ZDHHC3: variants seen among roughly 807,000 people sequenced by gnomAD.
ZDHHC3 encodes the protein zDHHC palmitoyltransferase 3, also known as palmitoyltransferase ZDHHC3.
Under a neutral mutation model 30.6 loss-of-function variants are expected in ZDHHC3, and 9 were observed. The ratio of observed to expected loss-of-function variants is 0.29; its 90% CI spans 0.18 to 0.51. The LOEUF is 0.51. Ranked by LOEUF, ZDHHC3 falls within the 20% of genes least tolerant of loss-of-function variation. The pLI, the probability that ZDHHC3 is intolerant of heterozygous loss-of-function variation, is 0.97. For missense variants in ZDHHC3, 246 were observed against 384.2 expected, an observed-to-expected ratio of 0.64 and a Z score of 3.01; for synonymous variants, 136 against 140.2, an observed-to-expected ratio of 0.97 and a Z score of 0.21.
chr3:44,948,206 T>G (rs1703120427), intron 2 of ZDHHC3, among the ~76,000 whole-genome samples: 2 of 152,128 alleles, frequency 1.3e-5, no homozygotes, highest in Admixed American at 1.3e-4. Context: ...GAGTTTCAGA[T>G]AGAGCACCCT....
rs1700685422 is a variant in ZDHHC3, at chr3:44,922,706, C to T, written c.*3983G>A. ...TTGATAGTCAGAATCACCTGGAGGGCTGTTAAGACACGGGCTGCTGGGCCC... is the reference window on the plus strand; with the variant it reads ...TTGATAGTCAGAATCACCTGGAGGGTTGTTAAGACACGGGCTGCTGGGCCC... On this transcript the variant is annotated 3_prime_UTR_variant, in exon 7 of 7. Coordinates refer to ENST00000424952, the MANE Select transcript of ZDHHC3 (RefSeq NM_001135179.2). 1 of 985,086 alleles carries T rather than the reference C, an allele frequency of 1.0e-6. No individual in the cohort carries two copies. Among genetic ancestry groups the T allele is most frequent in the African/African-American group, 1.7e-5 (1 of 57,234 alleles). 61.0% of individuals were successfully genotyped at this position (985,086 alleles called of 1,614,324 possible).
intron 1 of ZDHHC3, among the ~76,000 whole-genome samples, chr3:44,962,374 G>A (rs1001090969): frequency 2.0e-5 from 3 of 152,124 alleles, no homozygotes; most frequent in African/African-American, 7.2e-5. Context: ...GCATGGTTTT[G>A]TTGAGGAATA....
intron 3 of ZDHHC3, among the ~76,000 whole-genome samples, chr3:44,944,127 C>A (rs950755269): frequency 6.6e-6 from 1 of 152,068 alleles, no homozygotes; most frequent in Non-Finnish European, 1.5e-5. Context: ...CAGATGTGTG[C>A]CACCACACCC....
chr3:44,961,018 T>C (rs952471116), intron 1 of ZDHHC3, among the ~76,000 whole-genome samples: 1 of 152,226 alleles, frequency 6.6e-6, no homozygotes, highest in Admixed American at 6.5e-5. Context: ...TATTACGTAT[T>C]TGCCCAAAGG....
chr3:44,923,699 A>G lies in ZDHHC3; in HGVS notation c.*2990T>C. The stretch of plus-strand genomic sequence containing the variant: ...GTGCCTGTAGCCCTGGATATTCAGG[A>G]GGCCAAGGCACAAGAATCACTTGAG... On this transcript the variant is annotated 3_prime_UTR_variant, in exon 7 of 7. Transcript: ENST00000424952. The G allele has an allele frequency of 3.7e-6, 3 of 807,396 alleles. No homozygotes were observed. The highest frequency in any genetic ancestry group is 4.5e-6 in the Non-Finnish European group (3 of 667,798). The allele number at this position is 807,396 out of a possible 1,614,324, so 50.0% of individuals were successfully genotyped here.
At chr3:44,933,814 G>T in intron 4 of ZDHHC3, 74 bp downstream of exon 4, 1 of 1,343,422 alleles carries the variant, frequency 7.4e-7, no homozygotes, top group Non-Finnish European at 1.1e-6. Context: ...CATCGTGAAT[G>T]CTGAGAATTT....
At position 44,967,894 on chromosome 3, in the gene ZDHHC3, G is replaced by A. The variant is rs149919119; in HGVS notation, c.-25+8039C>T. Among the ~76,000 whole-genome samples the A allele has an allele frequency of 5.3e-4, 80 of 152,332 alleles. 5 individuals are homozygous for A. In the East Asian group the frequency reaches 0.014, roughly 28 times the overall value. On this transcript the variant is annotated intron_variant, in intron 1 of 6. Coordinates refer to ENST00000424952, the MANE Select transcript of ZDHHC3 (RefSeq NM_001135179.2). Reference sequence around the variant, plus strand: ...GTACTGGCTACAGCAATGGAGATGGGCATCAACATTAACTGAATGCCTATT... The same window carrying A: ...GTACTGGCTACAGCAATGGAGATGGACATCAACATTAACTGAATGCCTATT...
intron 2 of ZDHHC3, chr3:44,958,621 G>A: frequency 1.3e-6 from 2 of 1,536,112 alleles, no homozygotes; most frequent in Middle Eastern, 1.7e-4. Flanking sequence ...AAACAGGCTT[G>A]TCCAGCTTTT....
chr3:44,924,239 A>C lies in ZDHHC3; in HGVS notation c.*2450T>G. The C allele has an allele frequency of 1.0e-6, 1 of 985,458 alleles. No individual in the cohort carries two copies. The highest frequency in any genetic ancestry group is 1.2e-6 in the Non-Finnish European group (1 of 829,930). 61.0% of individuals were successfully genotyped at this position (985,458 alleles called of 1,614,324 possible). A position where few individuals can be genotyped will look rare whatever the true frequency, so the allele number is the denominator to read the frequency against. On this transcript the variant is annotated 3_prime_UTR_variant, in exon 7 of 7. Transcript: ENST00000424952. ...CGGAAATACTGAGGAGAGCTCAGGG[A>C]TGCTTTCCCTTCCTGTCCTGTGTGG...
chr3:44,919,937 C>T lies in ZDHHC3; in HGVS notation c.*6752G>A. On this transcript the variant is annotated 3_prime_UTR_variant, in exon 7 of 7. Transcript: ENST00000424952. ...AATGCAAAGCTGGAAATGAGAAATG[C>T]CCAATAATGATGGTTAAGCAAATGA... 3 of 1,036,570 alleles carry T rather than the reference C, an allele frequency of 2.9e-6. No individual in the cohort carries two copies. Among genetic ancestry groups the T allele is most frequent in the Non-Finnish European group, 3.5e-6 (3 of 857,490 alleles). 64.2% of individuals were successfully genotyped at this position (1,036,570 alleles called of 1,614,324 possible).
At position 44,920,927 on chromosome 3, in the gene ZDHHC3, GGCTGAGGGCT is replaced by G; in HGVS notation, c.*5752_*5761del. 1 of 985,390 alleles carries G rather than the reference GGCTGAGGGCT, an allele frequency of 1.0e-6. No homozygotes were observed. Among genetic ancestry groups the G allele is most frequent in the Non-Finnish European group, 1.2e-6 (1 of 829,922 alleles). 61.0% of individuals were successfully genotyped at this position (985,390 alleles called of 1,614,324 possible). A position where few individuals can be genotyped will look rare whatever the true frequency, so the allele number is the denominator to read the frequency against. On this transcript the variant is annotated 3_prime_UTR_variant, in exon 7 of 7. Transcript: ENST00000424952. ...CAAACAAATCCGATGTATAAAAATG[GGCTGAGGGCT>G]GCTTTTTCCTGGTAGGACTCAATTT...
chr3:44,941,150 GGGATGCTCATGTA>G (rs1375630966), intron 3 of ZDHHC3, among the ~76,000 whole-genome samples: 4 of 152,168 alleles, frequency 2.6e-5, no homozygotes, highest in African/African-American at 9.7e-5. Flanking sequence ...ACATCAGACT[GGGATGCTCATGTA>G]GGAAAATAGT....
intron 3 of ZDHHC3, among the ~76,000 whole-genome samples, chr3:44,939,245 C>T (rs1702232849): frequency 6.6e-6 from 1 of 152,222 alleles, no homozygotes; most frequent in South Asian, 2.1e-4. Context: ...GTCCATTAGC[C>T]ACTCTGCTTC....
In ZDHHC3 at chr3:44,926,110, T is replaced by C. The variant is rs1700965929; in HGVS notation, c.*579A>G. ...AGCCCATAAAGTACAAGGCAGGCAA[T>C]TGCTTTGCGAGTTAGCAGGCAAACC... On this transcript the variant is annotated 3_prime_UTR_variant, in exon 7 of 7. Transcript: ENST00000424952. 1 of 985,896 alleles carries C rather than the reference T, an allele frequency of 1.0e-6. No homozygotes were observed. Among genetic ancestry groups the C allele is most frequent in the Non-Finnish European group, 1.2e-6 (1 of 829,978 alleles). The allele number at this position is 985,896 out of a possible 1,614,324, so 61.1% of individuals were successfully genotyped here.
At chr3:44,961,802 A>C (rs1376798254) in intron 1 of ZDHHC3, among the ~76,000 whole-genome samples, 1 of 152,240 alleles carries the variant, frequency 6.6e-6, no homozygotes, top group African/African-American at 2.4e-5. Flanking sequence ...TGTTCTCACA[A>C]TTACTATTTA....
Position 44,924,928 on chromosome 3 carries a change from T to C in ZDHHC3, c.*1761A>G. The C allele has an allele frequency of 1.0e-6, 1 of 985,538 alleles. No homozygotes were observed. The highest frequency in any genetic ancestry group is 1.2e-6 in the Non-Finnish European group (1 of 829,942). 61.0% of individuals were successfully genotyped at this position (985,538 alleles called of 1,614,324 possible). A position where few individuals can be genotyped will look rare whatever the true frequency, so the allele number is the denominator to read the frequency against. On this transcript the variant is annotated 3_prime_UTR_variant, in exon 7 of 7. Coordinates refer to ENST00000424952, the MANE Select transcript of ZDHHC3 (RefSeq NM_001135179.2). ...AAGTTAACTGACTCAGGAAAGCTCT[T>C]AGGAGAGCCCATCAGCACAAAGGAA...
chr3:44,948,896 C>G (rs1703187364), intron 2 of ZDHHC3, among the ~76,000 whole-genome samples: 3 of 152,226 alleles, frequency 2.0e-5, no homozygotes, highest in Non-Finnish European at 4.4e-5. Context: ...TCATTCAGAG[C>G]AATGACGTGC....
rs1317762671 is a variant in ZDHHC3, at chr3:44,923,614, C to T, written c.*3075G>A. Reference sequence around the variant, plus strand: ...GCCGGGCATTTGAGACTAGCTAGGGCAACACAGTGAGACCCTGACTCTATT... The same window carrying T: ...GCCGGGCATTTGAGACTAGCTAGGGTAACACAGTGAGACCCTGACTCTATT... On this transcript the variant is annotated 3_prime_UTR_variant, in exon 7 of 7. Coordinates refer to ENST00000424952, the MANE Select transcript of ZDHHC3 (RefSeq NM_001135179.2). 13 of 907,266 alleles carry T rather than the reference C, an allele frequency of 1.4e-5. No homozygotes were observed. The highest frequency in any genetic ancestry group is 5.6e-4 in the Middle Eastern group (1 of 1,776). 56.2% of individuals were successfully genotyped at this position (907,266 alleles called of 1,614,324 possible). A position where few individuals can be genotyped will look rare whatever the true frequency, so the allele number is the denominator to read the frequency against.
In ZDHHC3 at chr3:44,925,508, A is replaced by C; in HGVS notation, c.*1181T>G. 1 of 985,492 alleles carries C rather than the reference A, an allele frequency of 1.0e-6. No individual in the cohort carries two copies. The highest frequency in any genetic ancestry group is 1.2e-6 in the Non-Finnish European group (1 of 829,950). 61.0% of individuals were successfully genotyped at this position (985,492 alleles called of 1,614,324 possible). A position where few individuals can be genotyped will look rare whatever the true frequency, so the allele number is the denominator to read the frequency against. ...TCCTTCAAACAAGACTGACACAGGA[A>C]GTGCCTCTCAAATGGAAAATCTATT... On this transcript the variant is annotated 3_prime_UTR_variant, in exon 7 of 7. Transcript: ENST00000424952.
Sources: gnomAD v4.1 joint callset for allele counts (sites outside exome capture counted in the v4.1 genomes callset) on GRCh38, gnomAD v4.1.1 for gene constraint, MANE v1.5 for transcripts, NCBI Gene and HGNC (gene_info 2026-07-23, HGNC 2026-07-21) for gene names.